The following ROBO1 variants were observed in gnomAD, a reference collection of about 807,000 sequenced individuals.
ROBO1 encodes roundabout guidance receptor 1, also known as roundabout homolog 1.
A neutral mutation model predicts 195.9 loss-of-function variants in ROBO1; 149 were observed. The observed-to-expected ratio is 0.76, with a 90% CI of 0.67 to 0.87. The LOEUF (loss-of-function observed/expected upper bound fraction) is 0.87. Ranked by LOEUF, ROBO1 falls within the 40% of genes least tolerant of loss-of-function variation. ROBO1 has a pLI of 0.00. For synonymous variants in ROBO1, 816 were observed against 733.2 expected (o/e 1.11, Z -1.82); for missense variants, 1,933 against 2,068.3 (o/e 0.93, Z 1.27).
intron 1 of ROBO1, among the ~76,000 whole-genome samples, chr3:79,718,604 T>TG (rs1183797883): frequency 1.3e-5 from 2 of 152,018 alleles, no homozygotes; most frequent in African/African-American, 4.8e-5. Context: ...TCCCCCATAC[T>TG]GTGTTTAAGG....
At chr3:78,976,034 G>C (rs929573750) in intron 3 of ROBO1, among the ~76,000 whole-genome samples, 8 of 152,062 alleles carry the variant, frequency 5.3e-5, no homozygotes, top group African/African-American at 1.9e-4. Context: ...TCTTGTTTTT[G>C]TGTTTTCTAA....
At chr3:78,761,029 G>T (rs2083089129) in intron 4 of ROBO1, among the ~76,000 whole-genome samples, 2 of 151,664 alleles carry the variant, frequency 1.3e-5, no homozygotes, top group South Asian at 4.2e-4. Context: ...ATTATCTAAG[G>T]CCCAGTAGAT....
chr3:78,934,942 C>T (rs2039722861), intron 4 of ROBO1, among the ~76,000 whole-genome samples: 1 of 151,936 alleles, frequency 6.6e-6, no homozygotes, highest in South Asian at 2.1e-4. Context: ...TCTATTGTAC[C>T]TAGGTAAACA....
At chr3:79,712,016 C>A (rs62257291) in intron 1 of ROBO1, among the ~76,000 whole-genome samples, 1 of 151,338 alleles carries the variant, frequency 6.6e-6, no homozygotes, top group Non-Finnish European at 1.5e-5. Context: ...TCCACATACC[C>A]AACTGGCCAT....
intron 4 of ROBO1, among the ~76,000 whole-genome samples, chr3:78,875,361 C>G (rs2035778473): frequency 6.6e-6 from 1 of 151,724 alleles, no homozygotes. Context: ...CTGAGAGAGA[C>G]AATTAGTAAG....
rs553387041 is a variant in ROBO1, at chr3:79,323,321, C to T, written c.89-197782G>A. Among the ~76,000 whole-genome samples the T allele has an allele frequency of 2.0e-5, 3 of 152,220 alleles. No individual in the cohort carries two copies. The South Asian group carries it at 6.2e-4, about 32-fold the overall frequency. On this transcript the variant is annotated intron_variant, in intron 2 of 30. Transcript: ENST00000464233. ...GGTCTTGAACTCTTGACCTCATGATCCACCCACCTCAGCCTCCCACAGTGC... is the reference window on the plus strand; with the variant it reads ...GGTCTTGAACTCTTGACCTCATGATTCACCCACCTCAGCCTCCCACAGTGC...
At chr3:78,869,274 T>C (rs1481897979) in intron 4 of ROBO1, among the ~76,000 whole-genome samples, 1 of 152,194 alleles carries the variant, frequency 6.6e-6, no homozygotes, top group Non-Finnish European at 1.5e-5. Flanking sequence ...TGTAATATCA[T>C]ATGGGTTGAC....
At chr3:79,137,645 A>G (rs568270500) in intron 2 of ROBO1, among the ~76,000 whole-genome samples, 18 of 152,150 alleles carry the variant, frequency 1.2e-4, no homozygotes, top group African/African-American at 4.1e-4. Context: ...CATGATTCTC[A>G]TCAGTATTTC....
intron 2 of ROBO1, among the ~76,000 whole-genome samples, chr3:79,389,526 ATAAC>A (rs1451014107): frequency 6.6e-6 from 1 of 152,162 alleles, no homozygotes; most frequent in Admixed American, 6.6e-5. Flanking sequence ...AAAACACAAA[ATAAC>A]TAATCTGATT....
chr3:79,520,604 A>T (rs1575960558), intron 2 of ROBO1, among the ~76,000 whole-genome samples: 1 of 152,214 alleles, frequency 6.6e-6, no homozygotes, highest in Admixed American at 6.5e-5. Flanking sequence ...CATATTGTGA[A>T]ATTAAGATAA....
intron 1 of ROBO1, among the ~76,000 whole-genome samples, chr3:79,756,049 C>T (rs1704376407): frequency 6.6e-6 from 1 of 152,192 alleles, no homozygotes; most frequent in Non-Finnish European, 1.5e-5. Context: ...TCACAATATT[C>T]ACTGTTAAAT....
chr3:79,181,306 CA>C lies in ROBO1; in HGVS notation c.89-55768del, dbSNP rs368444979. ...AAGCTACCTAATCACAGAGCTTTTG[CA>C]TTATTTAGCTTTGAATTGTTACTGG... On this transcript the variant is annotated intron_variant, in intron 2 of 30. Coordinates refer to ENST00000464233, the MANE Select transcript of ROBO1 (RefSeq NM_002941.4). Among the ~76,000 whole-genome samples, 217 of 152,224 alleles carry C rather than the reference CA, an allele frequency of 1.4e-3. 1 individual carries two copies. Among genetic ancestry groups the C allele is most frequent in the African/African-American group, 5.0e-3 (206 of 41,528 alleles).
chr3:79,393,875 T>C (rs773291136), intron 2 of ROBO1, among the ~76,000 whole-genome samples: 1 of 152,170 alleles, frequency 6.6e-6, no homozygotes, highest in African/African-American at 2.4e-5. Context: ...CCCGAACATC[T>C]GAATAACATC....
intron 2 of ROBO1, among the ~76,000 whole-genome samples, chr3:79,506,146 T>C (rs1940381987): frequency 6.6e-6 from 1 of 151,894 alleles, no homozygotes; most frequent in Admixed American, 6.6e-5. Flanking sequence ...TTATATTAAT[T>C]ATTTTTAATA....
intron 2 of ROBO1, among the ~76,000 whole-genome samples, chr3:79,378,832 A>T (rs755787979): frequency 2.4e-4 from 36 of 152,210 alleles, no homozygotes; most frequent in Non-Finnish European, 4.7e-4. Context: ...CAAGACAACG[A>T]AAGAGCAATG....
chr3:79,133,776 C>A (rs1179629810), intron 2 of ROBO1, among the ~76,000 whole-genome samples: 3 of 131,248 alleles, frequency 2.3e-5, no homozygotes, highest in African/African-American at 8.9e-5. Context: ...TTTAGAGTTT[C>A]CAGTTTTTCT....
intron 2 of ROBO1, among the ~76,000 whole-genome samples, chr3:79,176,976 A>G (rs1443051386): frequency 6.6e-6 from 1 of 152,210 alleles, no homozygotes; most frequent in Admixed American, 6.5e-5. Context: ...TCTCTGTCTC[A>G]ATACAAAATA....
intron 1 of ROBO1, among the ~76,000 whole-genome samples, chr3:79,709,274 T>C (rs1267321985): frequency 1.3e-5 from 2 of 152,120 alleles, no homozygotes; most frequent in Non-Finnish European, 2.9e-5. Context: ...GCCTATTATA[T>C]TACAGCTAAA....
At chr3:78,946,028 G>T (rs1270478970) in intron 3 of ROBO1, among the ~76,000 whole-genome samples, 1 of 152,012 alleles carries the variant, frequency 6.6e-6, no homozygotes, top group African/African-American at 2.4e-5. Flanking sequence ...CATGTGAAAA[G>T]ACCAAATCTA....
Sources: gnomAD v4.1 joint callset for allele counts (sites outside exome capture counted in the v4.1 genomes callset) on GRCh38, gnomAD v4.1.1 for gene constraint, MANE v1.5 for transcripts, NCBI Gene and HGNC (gene_info 2026-07-23, HGNC 2026-07-21) for gene names.